Variants in MACF1 observed in about 807,000 individuals in gnomAD.
MACF1 encodes microtubule actin crosslinking factor 1.
In MACF1, 193 loss-of-function variants were observed where a neutral mutation model predicts 854.8. The ratio of observed to expected loss-of-function variants is 0.23; its 90% CI spans 0.20 to 0.25. The LOEUF (loss-of-function observed/expected upper bound fraction) is 0.25. Ranked by LOEUF, MACF1 falls within the 10% of genes least tolerant of loss-of-function variation. The probability of loss-of-function intolerance (pLI) is 1.00; values close to 1 mark genes in which losing one functional copy is unlikely to be tolerated. For synonymous variants in MACF1, 3,185 were observed against 3,226.7 expected (o/e 0.99, Z 0.44); for missense variants, 7,722 against 8,929.1 (o/e 0.86, Z 5.45).
chr1:39,412,689 T>G, intron 58 of MACF1: 4 of 1,613,938 alleles, frequency 2.5e-6, no homozygotes, highest in Non-Finnish European at 3.4e-6. Context: ...TCCTAAATAT[T>G]TTTCCAGAGA....
chr1:39,188,709 A>G (rs981873280), intron 2 of MACF1, among the ~76,000 whole-genome samples: 1 of 152,196 alleles, frequency 6.6e-6, no homozygotes, highest in Non-Finnish European at 1.5e-5. Flanking sequence ...GGTTCAAGCA[A>G]TTCTCCTGCC....
At chr1:39,171,170 A>G (rs937531115) in intron 2 of MACF1, among the ~76,000 whole-genome samples, 2 of 151,440 alleles carry the variant, frequency 1.3e-5, no homozygotes, top group Non-Finnish European at 2.9e-5. Context: ...TTTCTGGTCC[A>G]TATTTACTTT....
chr1:39,417,713 A>ATTTTTT (rs56799242), intron 58 of MACF1, among the ~76,000 whole-genome samples: 3 of 55,830 alleles, frequency 5.4e-5, no homozygotes, highest in East Asian at 4.3e-4. Context: ...CACCCAGTTA[A>ATTTTTT]TTTTTTTTTT....
At chr1:39,386,677 G>T (rs981669202) in intron 57 of MACF1, among the ~76,000 whole-genome samples, 2 of 152,110 alleles carry the variant, frequency 1.3e-5, no homozygotes, top group African/African-American at 4.8e-5. Flanking sequence ...TGATCTGCCC[G>T]CCTTGGCCTC....
chr1:39,437,064 T>C (rs1236602802), intron 70 of MACF1, among the ~76,000 whole-genome samples: 1 of 152,196 alleles, frequency 6.6e-6, no homozygotes, highest in East Asian at 1.9e-4. Context: ...TCTAACTTGT[T>C]GGTCTAGTCT....
At chr1:39,097,256 C>T (rs1641961513) in intron 2 of MACF1, among the ~76,000 whole-genome samples, 1 of 152,138 alleles carries the variant, frequency 6.6e-6, no homozygotes, top group Non-Finnish European at 1.5e-5. Context: ...GGCTGATCCT[C>T]TGGTCCTTCC....
chr1:39,368,742 T>C (rs935063719), intron 50 of MACF1, among the ~76,000 whole-genome samples: 1 of 152,132 alleles, frequency 6.6e-6, no homozygotes, highest in Non-Finnish European at 1.5e-5. Context: ...CCTCAGGTGA[T>C]CGACCTGCCT....
At chr1:39,178,129 A>G (rs1451201047) in intron 2 of MACF1, among the ~76,000 whole-genome samples, 3 of 151,454 alleles carry the variant, frequency 2.0e-5, no homozygotes, top group Non-Finnish European at 4.4e-5. Context: ...CAGTAAGCCC[A>G]TAAAGGTCAG....
intron 31 of MACF1, among the ~76,000 whole-genome samples, chr1:39,320,844 C>T (rs1462875287): frequency 1.3e-5 from 2 of 152,078 alleles, no homozygotes; most frequent in East Asian, 3.9e-4. Flanking sequence ...GTGGTGTGCA[C>T]CTGTAGTCCC....
chr1:39,443,371 C>A, intron 78 of MACF1, 75 bp from the exon 79 acceptor site: 1 of 1,488,302 alleles, frequency 6.7e-7, no homozygotes, highest in South Asian at 1.3e-5. Flanking sequence ...ATAAACTCCT[C>A]ATATCATTTG....
intron 40 of MACF1, among the ~76,000 whole-genome samples, chr1:39,346,459 T>C (rs1053775093): frequency 6.6e-6 from 1 of 151,920 alleles, no homozygotes; most frequent in Non-Finnish European, 1.5e-5. Flanking sequence ...TCAAGGTAGG[T>C]CCAGTAAAGG....
At chr1:39,413,104 G>A (rs906818102) in intron 58 of MACF1, 2 of 1,606,516 alleles carry the variant, frequency 1.2e-6, no homozygotes, top group African/African-American at 2.7e-5. Flanking sequence ...GGGTATGTCA[G>A]CTGTCGCAGG....
intron 70 of MACF1, 136 bp downstream of exon 70, chr1:39,435,897 G>C (rs1643963079): frequency 1.4e-6 from 1 of 714,194 alleles, no homozygotes; most frequent in Admixed American, 3.0e-5. Context: ...AGAACAGAAA[G>C]CTTAGCCTAT....
intron 2 of MACF1, among the ~76,000 whole-genome samples, chr1:39,197,312 A>G (rs1322341680): frequency 6.6e-6 from 1 of 152,156 alleles, no homozygotes; most frequent in Non-Finnish European, 1.5e-5. Flanking sequence ...ATAAAATGAC[A>G]TGTTTTTATG....
intron 2 of MACF1, among the ~76,000 whole-genome samples, chr1:39,198,316 C>G (rs943838066): frequency 2.6e-5 from 4 of 151,866 alleles, no homozygotes; most frequent in Admixed American, 2.6e-4. Flanking sequence ...GGAGACCAGC[C>G]TGGCCAACAT....
At chr1:39,411,875 G>C in intron 58 of MACF1, 1 of 1,613,946 alleles carries the variant, frequency 6.2e-7, no homozygotes. Flanking sequence ...AGATTGGATT[G>C]TGGATATTTT....
chr1:39,388,385 A>G lies in MACF1; in HGVS notation c.15543A>G (p.Ala5181=), dbSNP rs373592718. 11 of 1,614,084 alleles carry G rather than the reference A, an allele frequency of 6.8e-6. No homozygotes were observed. Among genetic ancestry groups the G allele is most frequent in the Non-Finnish European group, 9.3e-6 (11 of 1,180,032 alleles). Residue 5181 remains alanine (A), a synonymous_variant, in exon 58 of 101, where the codon GCA becomes GCG. Transcript: ENST00000564288. ...VLKLDIEASE[A]ECRHMLEEEG... ...AATTAGACATAGAGGCCTCTGAAGC[A>G]GAGTGTCGACATATGCTAGAAGAAG...
chr1:39,094,871 A>G (rs901299533), intron 2 of MACF1, among the ~76,000 whole-genome samples: 1 of 152,182 alleles, frequency 6.6e-6, no homozygotes, highest in Admixed American at 6.5e-5. Flanking sequence ...ACCCTGGGCT[A>G]CAGAGTGAGA....
At chr1:39,093,305 CTTTTTTT>C (rs34921076) in intron 2 of MACF1, among the ~76,000 whole-genome samples, 7 of 54,122 alleles carry the variant, frequency 1.3e-4, no homozygotes, top group Non-Finnish European at 2.0e-4. Flanking sequence ...TACTCCACTT[CTTTTTTT>C]TTTTTTTTTT....
Sources: gnomAD v4.1 joint callset for allele counts (sites outside exome capture counted in the v4.1 genomes callset) on GRCh38, gnomAD v4.1.1 for gene constraint, MANE v1.5 for transcripts, NCBI Gene and HGNC (gene_info 2026-07-23, HGNC 2026-07-21) for gene names.